PLSCR1: variants seen among roughly 807,000 people sequenced by gnomAD.
PLSCR1 encodes PL scramblase 1.
In PLSCR1, 17 loss-of-function variants were observed where a neutral mutation model predicts 37.8. That is an observed-to-expected ratio of 0.45 (90% CI 0.31 to 0.68). PLSCR1 has a LOEUF of 0.68. Among genes scored for constraint, PLSCR1 ranks in the 30% least tolerant of loss-of-function variants. PLSCR1 has a pLI of 0.06. For missense variants in PLSCR1, 347 were observed against 380.9 expected (o/e 0.91, Z 0.74); for synonymous variants, 116 against 125.9 (o/e 0.92, Z 0.53).
chr3:146,534,539 A>C (rs2044240646), intron 2 of PLSCR1, among the ~76,000 whole-genome samples: 1 of 152,170 alleles, frequency 6.6e-6, no homozygotes, highest in Admixed American at 6.5e-5. Flanking sequence ...TGGTTTTATC[A>C]GGAAGATTGG....
intron 8 of PLSCR1, 110 bp from the exon 9 acceptor site, chr3:146,516,211 A>G: frequency 1.7e-6 from 1 of 590,690 alleles, no homozygotes; most frequent in Non-Finnish European, 2.9e-6. Context: ...AAATCTGTTA[A>G]AAAAATTAAA....
chr3:146,539,262 T>G (rs1480256993), intron 1 of PLSCR1, among the ~76,000 whole-genome samples: 1 of 152,166 alleles, frequency 6.6e-6, no homozygotes, highest in Admixed American at 6.5e-5. Flanking sequence ...ACAATAGGGT[T>G]CTTGCTCCTA....
intron 1 of PLSCR1, chr3:146,536,846 GA>G (rs1352100620): frequency 3.3e-6 from 1 of 303,724 alleles, no homozygotes; most frequent in Non-Finnish European, 6.2e-6. Flanking sequence ...AAGCCATAAA[GA>G]CACACTATGA....
At chr3:146,527,420 T>C (rs1431229302) in intron 4 of PLSCR1, among the ~76,000 whole-genome samples, 1 of 152,230 alleles carries the variant, frequency 6.6e-6, no homozygotes, top group Non-Finnish European at 1.5e-5. Flanking sequence ...ACGTAGTACA[T>C]GTGCATTAAA....
chr3:146,518,232 G>A (rs1356884193), intron 7 of PLSCR1, among the ~76,000 whole-genome samples: 1 of 152,140 alleles, frequency 6.6e-6, no homozygotes, highest in Non-Finnish European at 1.5e-5. Flanking sequence ...TTGGCTAAGT[G>A]CTTTGGCCTG....
rs1285321754 is a variant in PLSCR1 at position 146,515,930 on chromosome 3, A to G, written c.*115T>C. 2 of 613,328 alleles carry G rather than the reference A, an allele frequency of 3.3e-6. No homozygotes were observed. Among genetic ancestry groups the G allele is most frequent in the Non-Finnish European group, 5.8e-6 (2 of 346,786 alleles). 38.0% of individuals were successfully genotyped at this position (613,328 alleles called of 1,614,324 possible). The stretch of plus-strand genomic sequence containing the variant: ...GAAGATAAACTATAATTTGAAAAGC[A>G]AAAGTATACAACCAGAGCTACAGGC... On this transcript the variant is annotated 3_prime_UTR_variant, in exon 9 of 9. Coordinates refer to ENST00000342435, the MANE Select transcript of PLSCR1 (RefSeq NM_021105.3).
At chr3:146,531,924 G>T (rs976714321) in intron 3 of PLSCR1, among the ~76,000 whole-genome samples, 1 of 152,072 alleles carries the variant, frequency 6.6e-6, no homozygotes, top group South Asian at 2.1e-4. Context: ...CTATGCCTCA[G>T]CTTTCCCACA....
chr3:146,527,083 G>A (rs1167884882), intron 4 of PLSCR1, among the ~76,000 whole-genome samples: 2 of 152,130 alleles, frequency 1.3e-5, no homozygotes, highest in Non-Finnish European at 2.9e-5. Context: ...GTTGCAGTGA[G>A]CCGAGATCGT....
intron 5 of PLSCR1, among the ~76,000 whole-genome samples, chr3:146,524,878 C>A (rs1243685707): frequency 6.6e-6 from 1 of 152,118 alleles, no homozygotes; most frequent in African/African-American, 2.4e-5. Flanking sequence ...CAGACATATT[C>A]CTAAAAACTG....
At chr3:146,527,135 TA>T (rs960006625) in intron 4 of PLSCR1, among the ~76,000 whole-genome samples, 155 of 147,166 alleles carry the variant, frequency 1.1e-3, no homozygotes, top group African/African-American at 3.4e-3. Context: ...AGACTCCATC[TA>T]AAAAAAAAAG....
intron 1 of PLSCR1, among the ~76,000 whole-genome samples, chr3:146,542,922 A>G (rs1289150173): frequency 6.6e-6 from 1 of 152,212 alleles, no homozygotes; most frequent in East Asian, 1.9e-4. Context: ...AATTAAATAT[A>G]TTATTAAAAA....
Position 146,532,078 on chromosome 3 carries a change from G to A in PLSCR1, c.94+1392C>T, listed in dbSNP as rs1026640595. Among the ~76,000 whole-genome samples the A allele has an allele frequency of 6.6e-5, 10 of 152,034 alleles. No homozygotes were observed. In the East Asian group the frequency reaches 7.7e-4, roughly 12 times the overall value. ...TTAAATTATCCTTACTCTTAGCATC[G>A]TTATCTTAAGACTTGTGCTATATGT... On this transcript the variant is annotated intron_variant, in intron 3 of 8. Coordinates refer to ENST00000342435, the MANE Select transcript of PLSCR1 (RefSeq NM_021105.3).
chr3:146,523,031 G>C (rs375177918), intron 5 of PLSCR1, among the ~76,000 whole-genome samples: 1 of 152,146 alleles, frequency 6.6e-6, no homozygotes, highest in Admixed American at 6.5e-5. Flanking sequence ...CCCCCTCTCC[G>C]GGAAACGCCC....
chr3:146,533,659 T>C (rs2044229752), intron 2 of PLSCR1, 109 bp from the exon 3 acceptor site: 2 of 561,456 alleles, frequency 3.6e-6, no homozygotes, highest in South Asian at 3.8e-5. Context: ...TTATGCTGTA[T>C]TGAAATAGGG....
rs572064993 is a variant in PLSCR1, at chr3:146,523,038, G to A, written c.356-985C>T. Among the ~76,000 whole-genome samples the A allele has an allele frequency of 3.9e-5, 6 of 152,232 alleles. No homozygotes were observed. The East Asian group carries it at 5.8e-4, about 15-fold the overall frequency. ...TGCCACATCCCCCTCTCCGGGAAAC[G>A]CCCGATAATGATCAATAAATACTAA... On this transcript the variant is annotated intron_variant, in intron 5 of 8. Transcript: ENST00000342435.
chr3:146,519,355 G>C lies in PLSCR1; in HGVS notation c.739-2188C>G, dbSNP rs2043987452. ...CCATATAAAATTTATCACTACTCAG[G>C]ATCAGTTTCTATATTTTGAGATTCC... On this transcript the variant is annotated intron_variant, in intron 7 of 8. Transcript: ENST00000342435. 2.0e-5 allele frequency among the ~76,000 whole-genome samples: 3 copies of C among 152,102 alleles called. No individual in the cohort carries two copies. In the South Asian group the frequency reaches 6.2e-4, roughly 32 times the overall value.
intron 1 of PLSCR1, among the ~76,000 whole-genome samples, chr3:146,542,308 T>C (rs1400390006): frequency 1.3e-5 from 2 of 152,124 alleles, no homozygotes; most frequent in Non-Finnish European, 2.9e-5. Context: ...CACACGTCTA[T>C]AGACTAGTTG....
intron 1 of PLSCR1, among the ~76,000 whole-genome samples, chr3:146,538,793 T>C (rs1407105504): frequency 1.3e-5 from 2 of 152,148 alleles, no homozygotes; most frequent in Non-Finnish European, 2.9e-5. Context: ...TCTATACATC[T>C]GAAATAGAAA....
intron 1 of PLSCR1, among the ~76,000 whole-genome samples, chr3:146,542,486 C>G (rs2044349884): frequency 1.3e-5 from 2 of 152,136 alleles, no homozygotes; most frequent in Non-Finnish European, 2.9e-5. Context: ...GAATGTATTC[C>G]TGTATTTAAG....
Sources: gnomAD v4.1 joint callset for allele counts (sites outside exome capture counted in the v4.1 genomes callset) on GRCh38, gnomAD v4.1.1 for gene constraint, MANE v1.5 for transcripts, NCBI Gene and HGNC (gene_info 2026-07-23, HGNC 2026-07-21) for gene names.